KANSL1L: variants seen among roughly 807,000 people sequenced by gnomAD.
KANSL1L encodes the protein KAT8 regulatory NSL complex subunit 1-like protein.
Under a neutral mutation model 108.6 loss-of-function variants are expected in KANSL1L, and 25 were observed. That is an observed-to-expected ratio of 0.23 (90% CI 0.17 to 0.32). The LOEUF is 0.32. Ranked by LOEUF, KANSL1L falls within the 10% of genes least tolerant of loss-of-function variation. The pLI is 1.00. For synonymous variants in KANSL1L, 405 were observed against 395.1 expected (o/e 1.03, Z -0.30); for missense variants, 1,137 against 1,125.7 (o/e 1.01, Z -0.14).
rs75478640 is a variant in KANSL1L, at chr2:210,136,038, A to G, written c.1089-6866T>C. Among the ~76,000 whole-genome samples, 3 of 152,306 alleles carry G rather than the reference A, an allele frequency of 2.0e-5. No homozygotes were observed. In the East Asian group the frequency reaches 5.8e-4, roughly 29 times the overall value. ...GTGACCTCTAGAAATTCTGGCATGAAGATAAACCACATTAAAAAGTGCAGT... is the reference window on the plus strand; with the variant it reads ...GTGACCTCTAGAAATTCTGGCATGAGGATAAACCACATTAAAAAGTGCAGT... On this transcript the variant is annotated intron_variant, in intron 2 of 14. Transcript: ENST00000281772.
At chr2:210,064,763 C>T (rs6714161) in intron 6 of KANSL1L, among the ~76,000 whole-genome samples, 12,833 of 145,612 alleles carry the variant, frequency 0.088, 591 homozygotes, top group Middle Eastern at 0.15. Flanking sequence ...GAGCTATGAT[C>T]GTACCACCAC....
chr2:210,024,158 C>G lies in KANSL1L; in HGVS notation c.2608G>C (p.Glu870Gln), dbSNP rs2093901169. ...NVEGQDLLLK[E>Q]YPNNFSSSQQ... The stretch of plus-strand genomic sequence containing the variant: ...CTGCTACTGAAGTTATTAGGGTATT[C>G]TTTCAAAAGCAAGTCCTGTCCTTCA... The change falls in exon 14 of 15, where the codon GAA becomes CAA. Residue 870 changes from glutamate (E) to glutamine (Q), a missense_variant. Around this residue, in one of 3 missense-constraint regions of KANSL1L, gnomAD observed 575 missense variants for 567.1 expected, o/e 1.01. Transcript: ENST00000281772. 2.5e-6 allele frequency: 4 copies of G among 1,607,060 alleles called. No individual in the cohort carries two copies. Among genetic ancestry groups the G allele is most frequent in the Non-Finnish European group, 2.5e-6 (3 of 1,176,758 alleles).
At chr2:210,087,013 CTTTTT>C (rs928573633) in intron 5 of KANSL1L, among the ~76,000 whole-genome samples, 1 of 151,152 alleles carries the variant, frequency 6.6e-6, no homozygotes, top group East Asian at 1.9e-4. Flanking sequence ...ACTCCTGTTC[CTTTTT>C]TTATTTTTTA....
At chr2:210,072,087 T>C (rs1371328205) in intron 6 of KANSL1L, among the ~76,000 whole-genome samples, 3 of 152,218 alleles carry the variant, frequency 2.0e-5, no homozygotes, top group African/African-American at 4.8e-5. Context: ...GTTTCCTCAA[T>C]TGTCCCAATA....
At chr2:210,159,880 A>G (rs974834710) in intron 1 of KANSL1L, among the ~76,000 whole-genome samples, 1 of 151,908 alleles carries the variant, frequency 6.6e-6, no homozygotes, top group Non-Finnish European at 1.5e-5. Flanking sequence ...CTAAAAATAC[A>G]AAAAAAATAG....
chr2:210,076,165 T>G (rs946485869), intron 5 of KANSL1L, among the ~76,000 whole-genome samples: 4 of 152,108 alleles, frequency 2.6e-5, no homozygotes, highest in Non-Finnish European at 5.9e-5. Context: ...CATTATTAGT[T>G]TCTGTTTTTT....
intron 6 of KANSL1L, among the ~76,000 whole-genome samples, chr2:210,071,515 C>T (rs1337110820): frequency 6.6e-6 from 1 of 152,046 alleles, no homozygotes; most frequent in Non-Finnish European, 1.5e-5. Context: ...GTGATCCACC[C>T]CCCTCGGCCT....
rs930432479 is a variant in KANSL1L, at chr2:210,022,593, C to T, written c.*356G>A. ...ATAAAAAAATAGCTGTCACTTGGCA[C>T]ACAGGTTTGTATGTATGTGTATATA... On this transcript the variant is annotated 3_prime_UTR_variant, in exon 15 of 15. Coordinates refer to ENST00000281772, the MANE Select transcript of KANSL1L (RefSeq NM_152519.4). 1 of 178,910 alleles carries T rather than the reference C, an allele frequency of 5.6e-6. No individual in the cohort carries two copies. 11.1% of individuals were successfully genotyped at this position (178,910 alleles called of 1,614,324 possible). A position where few individuals can be genotyped will look rare whatever the true frequency, so the allele number is the denominator to read the frequency against.
intron 9 of KANSL1L, among the ~76,000 whole-genome samples, chr2:210,030,535 C>G (rs2539869): frequency 0.97 from 138,432 of 142,940 alleles, 66,969 homozygotes; most frequent in Middle Eastern, 1. Context: ...TTCCCAGTTA[C>G]TGTGTGTGTG....
At chr2:210,028,526 G>T in intron 11 of KANSL1L, 1 of 155,390 alleles carries the variant, frequency 6.4e-6, no homozygotes. Context: ...AGGATTATTT[G>T]TTGCTATAGT....
At chr2:210,099,419 C>G (rs1374032011) in intron 4 of KANSL1L, among the ~76,000 whole-genome samples, 1 of 151,980 alleles carries the variant, frequency 6.6e-6, no homozygotes, top group Non-Finnish European at 1.5e-5. Context: ...TAAAATTAGG[C>G]CTAATATTTT....
chr2:210,132,126 TAA>T lies in KANSL1L; in HGVS notation c.1089-2956_1089-2955del, dbSNP rs373542653. On this transcript the variant is annotated intron_variant, in intron 2 of 14. Transcript: ENST00000281772. ...AGAAAACATGTTTTTCTAAAAAAAA[TAA>T]GATTGTTAATAATTAAGATGTTACA... 2.7e-3 allele frequency among the ~76,000 whole-genome samples: 411 copies of T among 152,194 alleles called. 3 individuals carry two copies. The highest frequency in any genetic ancestry group is 9.6e-3 in the African/African-American group (399 of 41,542).
chr2:210,135,307 TGAATGA>T (rs1231803049), intron 2 of KANSL1L, among the ~76,000 whole-genome samples: 2 of 152,170 alleles, frequency 1.3e-5, no homozygotes, highest in Admixed American at 1.3e-4. Context: ...GTATGTTTTA[TGAATGA>T]GAAAGAGGTA....
rs1051122405 is a variant in KANSL1L, at chr2:210,103,433, A to G, written c.1428+671T>C. ...ATGTATACATATGTAACAAACCTGC[A>G]CGTTGTGCACATGTACCCTAGAACT... On this transcript the variant is annotated intron_variant, in intron 4 of 14. Coordinates refer to ENST00000281772, the MANE Select transcript of KANSL1L (RefSeq NM_152519.4). Among the ~76,000 whole-genome samples the G allele has an allele frequency of 9.9e-5, 15 of 152,166 alleles. 1 individual carries two copies. The highest frequency in any genetic ancestry group is 1.5e-5 in the Non-Finnish European group (1 of 68,030).
At chr2:210,109,538 C>T (rs973576173) in intron 3 of KANSL1L, among the ~76,000 whole-genome samples, 3 of 152,090 alleles carry the variant, frequency 2.0e-5, no homozygotes, top group African/African-American at 4.8e-5. Flanking sequence ...TCATTTGTAT[C>T]GCTGATTCTT....
At chr2:210,153,305 G>T in intron 2 of KANSL1L, 190 bp downstream of exon 2, 1 of 492,228 alleles carries the variant, frequency 2.0e-6, no homozygotes. Context: ...AGTGAGCCAG[G>T]ATTGCACCAC....
Position 210,021,559 on chromosome 2 carries a change from G to A in KANSL1L, c.*1390C>T, listed in dbSNP as rs572227670. Reference sequence around the variant, plus strand: ...CTTTTTCTTTAAAAATAAATGTACAGTAAAACTACAAGCAAAAGTTTGTCA... The same window carrying A: ...CTTTTTCTTTAAAAATAAATGTACAATAAAACTACAAGCAAAAGTTTGTCA... On this transcript the variant is annotated 3_prime_UTR_variant, in exon 15 of 15. Transcript: ENST00000281772. 3.3e-5 allele frequency: 5 copies of A among 152,582 alleles called. No homozygotes were observed. The highest frequency in any genetic ancestry group is 1.2e-4 in the African/African-American group (5 of 41,548). 9.5% of individuals were successfully genotyped at this position (152,582 alleles called of 1,614,324 possible). A position where few individuals can be genotyped will look rare whatever the true frequency, so the allele number is the denominator to read the frequency against.
At chr2:210,088,372 C>A (rs1265339380) in intron 5 of KANSL1L, 1 of 152,210 alleles carries the variant, frequency 6.6e-6, no homozygotes, top group East Asian at 1.9e-4. Flanking sequence ...GAAGAATTGG[C>A]AGATATGCCT....
At chr2:210,064,838 A>AC (rs2094452255) in intron 6 of KANSL1L, among the ~76,000 whole-genome samples, 3 of 146,202 alleles carry the variant, frequency 2.1e-5, no homozygotes, top group African/African-American at 5.3e-5. Context: ...AAAAAAAAAA[A>AC]CACAGGAAAA....
Sources: gnomAD v4.1 joint callset for allele counts (sites outside exome capture counted in the v4.1 genomes callset) on GRCh38, gnomAD v4.1.1 for gene constraint, gnomAD v4.1.1 regional missense constraint, MANE v1.5 for transcripts, NCBI Gene and HGNC (gene_info 2026-07-23, HGNC 2026-07-21) for gene names.